PON1: variants seen among roughly 807,000 people sequenced by gnomAD.
PON1 encodes paraoxonase 1, also known as serum paraoxonase/arylesterase 1.
A neutral mutation model predicts 39.2 loss-of-function variants in PON1; 37 were observed. The observed-to-expected ratio is 0.94, with a 90% CI of 0.73 to 1.24. The LOEUF (loss-of-function observed/expected upper bound fraction) is 1.24. Ranked by LOEUF, PON1 falls within the 50% of genes most tolerant of loss-of-function variation. PON1 has a pLI of 0.00. For synonymous variants in PON1, 148 were observed against 152.2 expected (o/e 0.97, Z 0.21); for missense variants, 397 against 413.5 (o/e 0.96, Z 0.35).
chr7:95,323,023 C>T (rs1807933627), intron 1 of PON1, among the ~76,000 whole-genome samples: 1 of 152,110 alleles, frequency 6.6e-6, no homozygotes, highest in Non-Finnish European at 1.5e-5. Context: ...CATCTCTTGC[C>T]TTCTCTCCCT....
intron 8 of PON1, 82 bp downstream of exon 8, chr7:95,302,123 C>CAAAAAAAAAAAAAAAAAAAA (rs1198986302): frequency 2.0e-5 from 9 of 460,360 alleles, no homozygotes; most frequent in Middle Eastern, 6.4e-4. Context: ...AAAAAAAAAC[C>CAAAAAAAAAAAAAAAAAAAA]AAGAATTGAG....
chr7:95,312,775 CA>C (rs1807683569), intron 4 of PON1, among the ~76,000 whole-genome samples: 1 of 151,652 alleles, frequency 6.6e-6, no homozygotes, highest in South Asian at 2.1e-4. Context: ...GGCCCCGGGG[CA>C]GAACTTCCGG....
chr7:95,308,475 C>CGTGT lies in PON1; in HGVS notation c.498-268_498-265dup, dbSNP rs10548570. ...TATGTATCTTAAAATAGTGTTACGT[C>CGTGT]GTGTGTGTGTGTGTGTGTGTGTGTG... is the stretch of plus-strand genomic sequence containing the variant. On this transcript the variant is annotated intron_variant, in intron 5 of 8. Coordinates refer to ENST00000222381, the MANE Select transcript of PON1 (RefSeq NM_000446.7). Among the ~76,000 whole-genome samples, 305 of 147,186 alleles carry CGTGT rather than the reference C, an allele frequency of 2.1e-3. 1 individual carries two copies. Among genetic ancestry groups the CGTGT allele is most frequent in the South Asian group, 0.014 (63 of 4,490 alleles).
intron 8 of PON1, among the ~76,000 whole-genome samples, chr7:95,301,558 G>A (rs1474164009): frequency 6.6e-6 from 1 of 152,074 alleles, no homozygotes; most frequent in East Asian, 1.9e-4. Context: ...TCTGGCTTCT[G>A]GTATTCATTT....
At chr7:95,318,656 G>A (rs1467344302) in intron 1 of PON1, 3 of 409,932 alleles carry the variant, frequency 7.3e-6, no homozygotes, top group African/African-American at 2.0e-5. Flanking sequence ...GTGTACTTTG[G>A]CAGGAACAGG....
intron 7 of PON1, among the ~76,000 whole-genome samples, chr7:95,304,502 T>C (rs1285850221): frequency 6.6e-6 from 1 of 152,056 alleles, no homozygotes; most frequent in Non-Finnish European, 1.5e-5. Context: ...CTGGCTAATT[T>C]TTTGTACCTT....
At position 95,301,967 on chromosome 7, in the gene PON1, T is replaced by G. The variant is rs555830251; in HGVS notation, c.909+238A>C. Among the ~76,000 whole-genome samples the G allele has an allele frequency of 2.2e-3, 327 of 150,026 alleles. 1 individual carries two copies. Among genetic ancestry groups the G allele is most frequent in the Non-Finnish European group, 2.4e-3 (162 of 67,568 alleles). ...AAAAAATTAGCCAGGCATGGTGGCA[T>G]GCGCCTGTGGTCCCAACTACTTGGG... On this transcript the variant is annotated intron_variant, in intron 8 of 8. Coordinates refer to ENST00000222381, the MANE Select transcript of PON1 (RefSeq NM_000446.7).
At chr7:95,305,990 G>A (rs1448123528) in intron 7 of PON1, among the ~76,000 whole-genome samples, 1 of 152,106 alleles carries the variant, frequency 6.6e-6, no homozygotes, top group Admixed American at 6.5e-5. Flanking sequence ...CAGAAGAAAG[G>A]CAGGAAGGGA....
chr7:95,311,695 A>G lies in PON1; in HGVS notation c.371-118T>C, dbSNP rs1807658978. On this transcript the variant is annotated intron_variant, in intron 4 of 8. Transcript: ENST00000222381. ...GTAGTTAGGATGTCAGGCAGATGGA[A>G]TATTTTCATCTCTTTGTAGAGAGAA... The G allele has an allele frequency of 4.6e-6, 5 of 1,083,534 alleles. No individual in the cohort carries two copies. The South Asian group carries it at 5.3e-5, about 11-fold the overall frequency. The allele number at this position is 1,083,534 out of a possible 1,614,324, so 67.1% of individuals were successfully genotyped here.
At chr7:95,320,067 G>A (rs1391514185) in intron 1 of PON1, among the ~76,000 whole-genome samples, 1 of 152,234 alleles carries the variant, frequency 6.6e-6, no homozygotes, top group Non-Finnish European at 1.5e-5. Context: ...GGTACAAGAT[G>A]TTAAGGGTGA....
chr7:95,311,678 G>T, intron 4 of PON1, 101 bp from the exon 5 acceptor site: 1 of 1,225,988 alleles, frequency 8.2e-7, no homozygotes, highest in South Asian at 1.2e-5. Context: ...TAGTAGTTAG[G>T]ATGTCAGGCA....
intron 8 of PON1, 91 bp downstream of exon 8, chr7:95,302,114 A>AC: frequency 1.3e-6 from 1 of 762,690 alleles, no homozygotes; most frequent in Non-Finnish European, 1.8e-6. Flanking sequence ...AAAAAAAAAA[A>AC]AAAAAAACCA....
At position 95,298,053 on chromosome 7, in the gene PON1, A is replaced by G. The variant is rs567089787; in HGVS notation, c.*891T>C. 1 of 151,846 alleles carries G rather than the reference A, an allele frequency of 6.6e-6. No individual in the cohort carries two copies. Among genetic ancestry groups the G allele is most frequent in the Non-Finnish European group, 1.5e-5 (1 of 67,950 alleles). 9.4% of individuals were successfully genotyped at this position (151,846 alleles called of 1,614,324 possible). On this transcript the variant is annotated 3_prime_UTR_variant, in exon 9 of 9. Transcript: ENST00000222381. Reference sequence around the variant, plus strand: ...CCTTTCTATTATTTTTTTTCTTTTCAGCCTCCACAACAAGAAGTTTAAATA... The same window carrying G: ...CCTTTCTATTATTTTTTTTCTTTTCGGCCTCCACAACAAGAAGTTTAAATA...
chr7:95,318,229 T>G, intron 2 of PON1, 94 bp downstream of exon 2: 1 of 1,080,322 alleles, frequency 9.3e-7, no homozygotes, highest in Non-Finnish European at 1.4e-6. Context: ...CAAAATTTTA[T>G]TTTTGGACAG....
In PON1 at chr7:95,297,942, A is replaced by AATG. The variant is rs1232600062; in HGVS notation, c.*999_*1001dup. On this transcript the variant is annotated 3_prime_UTR_variant, in exon 9 of 9. Coordinates refer to ENST00000222381, the MANE Select transcript of PON1 (RefSeq NM_000446.7). ...CTTTATATATCAGTTTCTATAACAA[A>AATG]ATGATAAAGTCATGTTTTCTTCCTA... 6.6e-6 allele frequency: 1 copy of AATG among 152,224 alleles called. No individual in the cohort carries two copies. The highest frequency in any genetic ancestry group is 1.5e-5 in the Non-Finnish European group (1 of 68,042). 9.4% of individuals were successfully genotyped at this position (152,224 alleles called of 1,614,324 possible).
chr7:95,322,467 A>G (rs999726918), intron 1 of PON1, among the ~76,000 whole-genome samples: 3 of 152,038 alleles, frequency 2.0e-5, no homozygotes, highest in African/African-American at 7.3e-5. Flanking sequence ...TGCAGAAATG[A>G]TATCTAACCC....
chr7:95,311,286 G>T (rs3917524), intron 5 of PON1, among the ~76,000 whole-genome samples, 165 bp downstream of exon 5: 6,236 of 152,170 alleles, frequency 0.041, 335 homozygotes, highest in African/African-American at 0.13. Flanking sequence ...TCTCTGAGGG[G>T]CTTGAGTCCT....
intron 6 of PON1, among the ~76,000 whole-genome samples, chr7:95,306,637 G>A (rs1807547032): frequency 6.6e-6 from 1 of 152,128 alleles, no homozygotes; most frequent in South Asian, 2.1e-4. Context: ...TAGTATCTGG[G>A]AGTAAAATGC....
rs905153699 is a variant in PON1, at chr7:95,324,477, G to A, written c.-2C>T. ...GGTGAGCGCAATCAGCTTCGCCATGGTCGGGGATAGACAAAGGGATCGATG... is the reference window on the plus strand; with the variant it reads ...GGTGAGCGCAATCAGCTTCGCCATGATCGGGGATAGACAAAGGGATCGATG... On this transcript the variant is annotated 5_prime_UTR_variant, in exon 1 of 9. Coordinates refer to ENST00000222381, the MANE Select transcript of PON1 (RefSeq NM_000446.7). The A allele has an allele frequency of 6.2e-7, 1 of 1,613,994 alleles. No individual in the cohort carries two copies. Among genetic ancestry groups the A allele is most frequent in the Non-Finnish European group, 8.5e-7 (1 of 1,179,926 alleles).
Sources: gnomAD v4.1 joint callset for allele counts (sites outside exome capture counted in the v4.1 genomes callset) on GRCh38, gnomAD v4.1.1 for gene constraint, MANE v1.5 for transcripts, NCBI Gene and HGNC (gene_info 2026-07-23, HGNC 2026-07-21) for gene names.